The following MEOX2 variants were observed in gnomAD, a reference collection of about 807,000 sequenced individuals.
MEOX2 encodes mesenchyme homeobox 2, also known as homeobox protein MOX-2.
A neutral mutation model predicts 27.0 loss-of-function variants in MEOX2; 11 were observed. That is an observed-to-expected ratio of 0.41 (90% confidence interval 0.26 to 0.68). The LOEUF is 0.68. Among genes scored for constraint, MEOX2 ranks in the 30% least tolerant of loss-of-function variants. The probability of loss-of-function intolerance (pLI) is 0.33; values close to 1 mark genes in which losing one functional copy is unlikely to be tolerated. For synonymous variants in MEOX2, 189 were observed against 155.4 expected (o/e 1.22, Z -1.61); for missense variants, 436 against 385.4 (o/e 1.13, Z -1.10).
intron 1 of MEOX2, among the ~76,000 whole-genome samples, chr7:15,637,587 C>G (rs1039225206): frequency 6.6e-6 from 1 of 151,934 alleles, no homozygotes; most frequent in African/African-American, 2.4e-5. Context: ...TCTTGCAATA[C>G]TTCTCAATAA....
In MEOX2 at chr7:15,686,529, T is replaced by G; in HGVS notation, c.-127A>C. The G allele has an allele frequency of 1.1e-5, 9 of 814,624 alleles. No homozygotes were observed. Among genetic ancestry groups the G allele is most frequent in the Non-Finnish European group, 1.7e-5 (9 of 525,184 alleles). 50.5% of individuals were successfully genotyped at this position (814,624 alleles called of 1,614,324 possible). A position where few individuals can be genotyped will look rare whatever the true frequency, so the allele number is the denominator to read the frequency against. Reference sequence around the variant, plus strand: ...ACCTCCCAAAGCAATAGCGGTGCACTTCTGCAGAGCTCGGATAATCCCGGT... The same window carrying G: ...ACCTCCCAAAGCAATAGCGGTGCACGTCTGCAGAGCTCGGATAATCCCGGT... On this transcript the variant is annotated 5_prime_UTR_variant, in exon 1 of 3. Transcript: ENST00000262041.
intron 2 of MEOX2, among the ~76,000 whole-genome samples, chr7:15,618,351 T>C (rs1170693391): frequency 1.3e-5 from 2 of 150,630 alleles, no homozygotes; most frequent in African/African-American, 5.0e-5. Context: ...AATTAGGCAC[T>C]TTTTTTCTTT....
chr7:15,653,173 G>A (rs1040393694), intron 1 of MEOX2, among the ~76,000 whole-genome samples: 18 of 125,366 alleles, frequency 1.4e-4, no homozygotes, highest in Admixed American at 7.8e-4. Flanking sequence ...ATTTTAGCTC[G>A]TATGATGGCT....
chr7:15,675,596 T>C (rs1782180224), intron 1 of MEOX2, among the ~76,000 whole-genome samples: 1 of 152,354 alleles, frequency 6.6e-6, no homozygotes, highest in Middle Eastern at 3.4e-3. Context: ...ACTTAACTTC[T>C]CTGGGCACAT....
chr7:15,643,593 C>T (rs1781596524), intron 1 of MEOX2, among the ~76,000 whole-genome samples: 1 of 152,170 alleles, frequency 6.6e-6, no homozygotes, highest in South Asian at 2.1e-4. Flanking sequence ...TGAGCTCATC[C>T]CAAGGTGTCT....
chr7:15,644,054 CT>C, intron 1 of MEOX2, among the ~76,000 whole-genome samples: 1 of 152,290 alleles, frequency 6.6e-6, no homozygotes, highest in South Asian at 2.1e-4. Context: ...TCTTGCTCCC[CT>C]GACAATGGCT....
intron 1 of MEOX2, among the ~76,000 whole-genome samples, chr7:15,640,282 T>TG (rs1386293090): frequency 3.4e-5 from 5 of 147,568 alleles, no homozygotes; most frequent in Non-Finnish European, 1.5e-5. Flanking sequence ...GTGTGTGTGT[T>TG]TCTGGCTACC....
chr7:15,620,444 T>C (rs968412778), intron 2 of MEOX2, among the ~76,000 whole-genome samples: 1 of 152,114 alleles, frequency 6.6e-6, no homozygotes, highest in Non-Finnish European at 1.5e-5. Context: ...AGCGGGCTCC[T>C]GTAGTCCCAA....
intron 1 of MEOX2, among the ~76,000 whole-genome samples, chr7:15,657,288 C>T (rs932168963): frequency 1.3e-5 from 2 of 151,938 alleles, no homozygotes; most frequent in African/African-American, 4.8e-5. Flanking sequence ...TCAGTTTCAC[C>T]CTCTTTCTCC....
chr7:15,673,530 G>A (rs1782139257), intron 1 of MEOX2, among the ~76,000 whole-genome samples: 1 of 134,228 alleles, frequency 7.5e-6, no homozygotes, highest in Non-Finnish European at 1.5e-5. Context: ...AACTGAAGGT[G>A]AATTTACAAT....
intron 1 of MEOX2, chr7:15,677,475 C>T (rs889920582): frequency 2.0e-5 from 3 of 152,204 alleles, no homozygotes; most frequent in Non-Finnish European, 4.4e-5. Context: ...TTGCATCCAC[C>T]TAACCCTCCG....
At chr7:15,624,848 T>C (rs1263714783) in intron 2 of MEOX2, among the ~76,000 whole-genome samples, 1 of 152,182 alleles carries the variant, frequency 6.6e-6, no homozygotes, top group Non-Finnish European at 1.5e-5. Flanking sequence ...AAAACAACAT[T>C]AAAATAGTAT....
In MEOX2 at chr7:15,612,620, A is replaced by G; in HGVS notation, c.691-9T>C. 3 of 1,609,832 alleles carry G rather than the reference A, an allele frequency of 1.9e-6. No individual in the cohort carries two copies. Among genetic ancestry groups the G allele is most frequent in the Non-Finnish European group, 2.6e-6 (3 of 1,176,140 alleles). On this transcript the variant is annotated splice_polypyrimidine_tract_variant and intron_variant, in intron 2 of 2. Coordinates refer to ENST00000262041, the MANE Select transcript of MEOX2 (RefSeq NM_005924.5). ...TGGAACCAGACTTTCACCTTCAACC[A>G]AGAAAGGGAACAAACAAACAGAAAA... is the stretch of plus-strand genomic sequence containing the variant.
At position 15,686,238 on chromosome 7, in the gene MEOX2, G is replaced by T. The variant is rs1376752653; in HGVS notation, c.165C>A (p.Asn55Lys). 6.2e-7 allele frequency: 1 copy of T among 1,612,654 alleles called. No individual in the cohort carries two copies. The highest frequency in any genetic ancestry group is 8.5e-7 in the Non-Finnish European group (1 of 1,179,354). ...GCTGGCTGGCAAACATGCCCTCTTC[G>T]TTGGGGTATCCCGCGATTATGCAAG... ...SSSCIIAGYP[N>K]EEGMFASQHH... The change falls in exon 1 of 3, where the codon AAC becomes AAA. Residue 55 changes from asparagine to lysine, a missense_variant. Physicochemically the swap from Asn to Lys is moderately conservative, Grantham distance 94 (BLOSUM62 0). Transcript: ENST00000262041.
chr7:15,644,285 C>T (rs150018915), intron 1 of MEOX2, among the ~76,000 whole-genome samples: 16 of 152,272 alleles, frequency 1.1e-4, no homozygotes, highest in African/African-American at 3.9e-4. Context: ...CTCTGCCAAT[C>T]CAAAGGTCTG....
chr7:15,625,756 G>A (rs903902286), intron 2 of MEOX2, among the ~76,000 whole-genome samples: 5 of 152,138 alleles, frequency 3.3e-5, no homozygotes, highest in African/African-American at 1.2e-4. Flanking sequence ...CCGGCAGTAG[G>A]CTAGATTCTC....
At chr7:15,652,065 A>G (rs1416760806) in intron 1 of MEOX2, among the ~76,000 whole-genome samples, 3 of 152,086 alleles carry the variant, frequency 2.0e-5, no homozygotes, top group Non-Finnish European at 4.4e-5. Flanking sequence ...ACCATCTTTA[A>G]AAGAAATAAT....
intron 1 of MEOX2, among the ~76,000 whole-genome samples, chr7:15,650,893 G>A (rs1781723204): frequency 1.3e-5 from 2 of 152,072 alleles, no homozygotes; most frequent in South Asian, 2.1e-4. Flanking sequence ...TCCCAGAGAA[G>A]GTAAATATGA....
At chr7:15,636,864 A>G (rs1781486838) in intron 1 of MEOX2, among the ~76,000 whole-genome samples, 1 of 152,014 alleles carries the variant, frequency 6.6e-6, no homozygotes, top group Admixed American at 6.6e-5. Context: ...CAGAAGGGCA[A>G]AAGAGCGTGA....
Sources: allele counts gnomAD v4.1 joint callset (sites outside exome capture counted in the v4.1 genomes callset), GRCh38; gene constraint gnomAD v4.1.1; transcripts MANE v1.5; gene names NCBI Gene and HGNC (gene_info 2026-07-23, HGNC 2026-07-21).